The following CCDC3 variants were observed in gnomAD, a reference collection of about 807,000 sequenced individuals.
CCDC3 encodes the protein coiled-coil domain containing 3, also known as coiled-coil domain-containing protein 3.
Under a neutral mutation model 21.4 loss-of-function variants are expected in CCDC3, and 24 were observed. The ratio of observed to expected loss-of-function variants is 1.12; its 90% CI spans 0.81 to 1.58. The LOEUF (loss-of-function observed/expected upper bound fraction) is 1.58, where lower values mean the gene tolerates loss of function less well. Among genes scored for constraint, CCDC3 ranks in the 40% most tolerant of loss-of-function variants. The pLI is 0.00. For missense variants in CCDC3, 425 were observed against 360.9 expected (o/e 1.18, Z -1.44); for synonymous variants, 186 against 166.0 (o/e 1.12, Z -0.93).
intron 2 of CCDC3, among the ~76,000 whole-genome samples, chr10:12,964,974 T>C (rs962025539): frequency 3.9e-5 from 6 of 152,146 alleles, no homozygotes; most frequent in Non-Finnish European, 5.9e-5. Flanking sequence ...TTTATCTGCC[T>C]AAAGACAAAA....
At chr10:12,941,453 C>A (rs922519585) in intron 2 of CCDC3, among the ~76,000 whole-genome samples, 1 of 152,190 alleles carries the variant, frequency 6.6e-6, no homozygotes, top group Non-Finnish European at 1.5e-5. Context: ...GATCCAAGAA[C>A]CCTCTCTTGG....
At chr10:12,934,842 A>G (rs1233657794) in intron 2 of CCDC3, among the ~76,000 whole-genome samples, 1 of 152,112 alleles carries the variant, frequency 6.6e-6, no homozygotes, top group Non-Finnish European at 1.5e-5. Context: ...TCTGTTGCCC[A>G]GGCTGGTATC....
chr10:13,039,973 T>C (rs1342358010), intron 5 of CCDC3, among the ~76,000 whole-genome samples: 1 of 151,866 alleles, frequency 6.6e-6, no homozygotes, highest in Non-Finnish European at 1.5e-5. Flanking sequence ...CCGCTGACAT[T>C]GGTAAATGGT....
At chr10:12,946,103 C>T (rs1834913248) in intron 2 of CCDC3, among the ~76,000 whole-genome samples, 1 of 152,186 alleles carries the variant, frequency 6.6e-6, no homozygotes, top group Non-Finnish European at 1.5e-5. Context: ...TAAATGCGGC[C>T]ACCCATTCTG....
chr10:13,011,042 G>A (rs112174712), intron 5 of CCDC3, among the ~76,000 whole-genome samples: 12,340 of 152,028 alleles, frequency 0.081, 546 homozygotes, highest in East Asian at 0.12. Context: ...TAGCTGGGCC[G>A]CGGTGGTGCA....
chr10:12,905,116 C>G (rs145786028), intron 2 of CCDC3, among the ~76,000 whole-genome samples: 169 of 152,172 alleles, frequency 1.1e-3, no homozygotes, highest in African/African-American at 3.7e-3. Flanking sequence ...ACAACACAGA[C>G]AAATAGCTTG....
At chr10:13,097,336 G>A (rs951807224) in intron 3 of CCDC3, among the ~76,000 whole-genome samples, 14 of 152,166 alleles carry the variant, frequency 9.2e-5, no homozygotes, top group African/African-American at 3.4e-4. Flanking sequence ...CAAACACCAT[G>A]AGCCAGGCGT....
intron 4 of CCDC3, among the ~76,000 whole-genome samples, chr10:13,067,820 G>C (rs1048817018): frequency 1.3e-5 from 2 of 152,208 alleles, no homozygotes; most frequent in Admixed American, 6.5e-5. Flanking sequence ...GGCACGGCTA[G>C]TTGGGTAATA....
intron 2 of CCDC3, among the ~76,000 whole-genome samples, chr10:12,922,503 T>G (rs746604529): frequency 9.2e-5 from 14 of 152,096 alleles, no homozygotes; most frequent in Non-Finnish European, 1.5e-4. Flanking sequence ...GCTGTTAGGG[T>G]GGCTGTGACA....
intron 2 of CCDC3, among the ~76,000 whole-genome samples, chr10:12,959,172 A>G (rs1249548191): frequency 4.9e-5 from 2 of 40,862 alleles, no homozygotes; most frequent in Non-Finnish European, 8.4e-5. Context: ...ACAAGCTACA[A>G]TCTTTTTTTT....
intron 2 of CCDC3, among the ~76,000 whole-genome samples, chr10:12,970,293 T>C (rs992402021): frequency 6.6e-6 from 1 of 152,196 alleles, no homozygotes; most frequent in African/African-American, 2.4e-5. Context: ...TTATGGTGGT[T>C]CAATATACAA....
intron 2 of CCDC3, among the ~76,000 whole-genome samples, chr10:12,963,097 C>A (rs1033918135): frequency 6.6e-6 from 1 of 152,178 alleles, no homozygotes; most frequent in African/African-American, 2.4e-5. Context: ...ACACCACTTT[C>A]AACTAGTGAA....
At chr10:12,947,040 T>A (rs1368163105) in intron 2 of CCDC3, among the ~76,000 whole-genome samples, 1 of 152,204 alleles carries the variant, frequency 6.6e-6, no homozygotes, top group Non-Finnish European at 1.5e-5. Context: ...CAGTTTATTT[T>A]CGGTCAAAAA....
At chr10:13,059,818 G>A (rs1481164078) in intron 4 of CCDC3, among the ~76,000 whole-genome samples, 2 of 152,134 alleles carry the variant, frequency 1.3e-5, no homozygotes, top group African/African-American at 4.8e-5. Context: ...GGCCGGGCGC[G>A]GTGGCTCACG....
intron 2 of CCDC3, among the ~76,000 whole-genome samples, chr10:12,932,395 A>C (rs1834661122): frequency 6.6e-6 from 1 of 151,360 alleles, no homozygotes; most frequent in Non-Finnish European, 1.5e-5. Flanking sequence ...TTTATTAAAA[A>C]GTATAGACTA....
At chr10:12,993,299 A>G (rs1432665442) in intron 2 of CCDC3, among the ~76,000 whole-genome samples, 1 of 152,224 alleles carries the variant, frequency 6.6e-6, no homozygotes, top group Non-Finnish European at 1.5e-5. Flanking sequence ...TATAGAAGGG[A>G]AAACTGAAGT....
At chr10:12,963,296 A>G (rs2131258665) in intron 2 of CCDC3, among the ~76,000 whole-genome samples, 1 of 152,252 alleles carries the variant, frequency 6.6e-6, no homozygotes, top group Non-Finnish European at 1.5e-5. Flanking sequence ...GTTGACCTTT[A>G]CAATCCATCT....
intron 2 of CCDC3, among the ~76,000 whole-genome samples, chr10:12,985,761 G>A (rs978401322): frequency 1.6e-4 from 25 of 152,248 alleles, no homozygotes; most frequent in Non-Finnish European, 1.0e-4. Flanking sequence ...GGATAGGTGA[G>A]GGGAAGGGTA....
chr10:13,093,254 G>A (rs1001204775), intron 3 of CCDC3, among the ~76,000 whole-genome samples: 1 of 152,106 alleles, frequency 6.6e-6, no homozygotes, highest in Non-Finnish European at 1.5e-5. Flanking sequence ...ATCTTACATG[G>A]CGGCAGGCAA....
Sources: allele counts gnomAD v4.1 joint callset (sites outside exome capture counted in the v4.1 genomes callset), GRCh38; gene constraint gnomAD v4.1.1; transcripts MANE v1.5; gene names NCBI Gene and HGNC (gene_info 2026-07-23, HGNC 2026-07-21).